PTP4A1: variants seen among roughly 807,000 people sequenced by gnomAD.
The protein encoded by PTP4A1 is protein tyrosine phosphatase 4A1.
A neutral mutation model predicts 20.5 loss-of-function variants in PTP4A1; 9 were observed. The observed-to-expected ratio is 0.44, with a 90% CI of 0.26 to 0.77. The LOEUF (loss-of-function observed/expected upper bound fraction) is 0.77, where lower values mean the gene tolerates loss of function less well. Among genes scored for constraint, PTP4A1 ranks in the 30% least tolerant of loss-of-function variants. PTP4A1 has a pLI of 0.19. For missense variants in PTP4A1, 137 were observed against 218.8 expected (o/e 0.63, Z 2.36); for synonymous variants, 78 against 67.4 (o/e 1.16, Z -0.77).
chr6:63,580,266 A>C lies in PTP4A1; in HGVS notation c.*92A>C. 9.4e-7 allele frequency: 1 copy of C among 1,066,608 alleles called. No individual in the cohort carries two copies. The highest frequency in any genetic ancestry group is 1.6e-5 in the African/African-American group (1 of 63,408). 66.1% of individuals were successfully genotyped at this position (1,066,608 alleles called of 1,614,324 possible). A position where few individuals can be genotyped will look rare whatever the true frequency, so the allele number is the denominator to read the frequency against. Reference sequence around the variant, plus strand: ...CCAACATGTTGGCTTAGTAAGTCTAATGAAGCTTCCATAGGAGTATTGAAA... The same window carrying C: ...CCAACATGTTGGCTTAGTAAGTCTACTGAAGCTTCCATAGGAGTATTGAAA... On this transcript the variant is annotated 3_prime_UTR_variant, in exon 6 of 6. Transcript: ENST00000626021.
rs574712292 is a variant in PTP4A1 at position 63,563,863 on chromosome 6, C to G, written c.-445-12573C>G. Among the ~76,000 whole-genome samples the G allele has an allele frequency of 2.0e-5, 3 of 152,250 alleles. No homozygotes were observed. The South Asian group carries it at 6.2e-4, about 32-fold the overall frequency. On this transcript the variant is annotated intron_variant, in intron 3 of 3. Transcript: ENST00000639568. ...ACCCTGCAAAGAAAACTTAGAAAAA[C>G]TGGGAATAGGATGCCCTAATAGAAT...
At chr6:63,533,982 A>G (rs931651897) in intron 2 of PTP4A1, among the ~76,000 whole-genome samples, 2 of 151,984 alleles carry the variant, frequency 1.3e-5, no homozygotes, top group Non-Finnish European at 2.9e-5. Context: ...TAGCTGGAAT[A>G]ACAGGTGCAC....
intron 2 of PTP4A1, among the ~76,000 whole-genome samples, chr6:63,529,139 A>ATATATATGTGTG (rs1775332341): frequency 7.9e-6 from 1 of 127,022 alleles, no homozygotes; most frequent in African/African-American, 3.6e-5. Flanking sequence ...ATGTGTGTGT[A>ATATATATGTGTG]TATATATATG....
chr6:63,577,066 T>G, intron 2 of PTP4A1, 81 bp downstream of exon 2: 1 of 1,112,714 alleles, frequency 9.0e-7, no homozygotes, highest in Non-Finnish European at 1.3e-6. Context: ...AAAAACTACT[T>G]TGGAAAAAAT....
upstream of PTP4A1, chr6:63,570,947 CT>C (rs554521141): frequency 6.6e-6 from 1 of 152,174 alleles, no homozygotes; most frequent in African/African-American, 2.4e-5. Context: ...AGCTTTGCCC[CT>C]ACCACCCAAG....
chr6:63,569,273 T>G (rs1416424681), upstream of PTP4A1, among the ~76,000 whole-genome samples: 1 of 152,244 alleles, frequency 6.6e-6, no homozygotes, highest in East Asian at 1.9e-4. Context: ...ATTCTTTTTT[T>G]GAAATGAAGT....
rs565710505 is a variant in PTP4A1, at chr6:63,547,315, G to A, written c.-639-2985G>A. 1.2e-4 allele frequency among the ~76,000 whole-genome samples: 18 copies of A among 149,838 alleles called. No homozygotes were observed. In the East Asian group the frequency reaches 1.8e-3, roughly 15 times the overall value. ...AGTGATTCTCCTGTCTCAGCCTCCC[G>A]AGTAGCTGGGACTACAGGCATGTGC... On this transcript the variant is annotated intron_variant, in intron 2 of 3. Coordinates refer to the PTP4A1 transcript ENST00000639568.
Position 63,576,507 on chromosome 6 carries a change from G to A in PTP4A1, c.-374G>A. 1 of 405,232 alleles carries A rather than the reference G, an allele frequency of 2.5e-6. No homozygotes were observed. Among genetic ancestry groups the A allele is most frequent in the Non-Finnish European group, 4.3e-6 (1 of 230,068 alleles). The allele number at this position is 405,232 out of a possible 1,614,324, so 25.1% of individuals were successfully genotyped here. Reference sequence around the variant, plus strand: ...GCAGTGGAGATTACTGCCAGGCACAGCACGACCTCTATGCAGACAAGTGAA... The same window carrying A: ...GCAGTGGAGATTACTGCCAGGCACAACACGACCTCTATGCAGACAAGTGAA... On this transcript the variant is annotated 5_prime_UTR_variant, in exon 2 of 6. Transcript: ENST00000626021.
chr6:63,554,333 A>G (rs1776578443), intron 3 of PTP4A1, among the ~76,000 whole-genome samples: 1 of 152,190 alleles, frequency 6.6e-6, no homozygotes, highest in African/African-American at 2.4e-5. Context: ...TACTGGGAGT[A>G]TCTTGTCCAG....
At chr6:63,517,632 A>G (rs566694657), upstream of PTP4A1, among the ~76,000 whole-genome samples, 4 of 152,254 alleles carry the variant, frequency 2.6e-5, no homozygotes, top group African/African-American at 9.6e-5. Context: ...CAACACACAC[A>G]CACATGCACA....
chr6:63,563,270 G>T (rs1006824500), intron 3 of PTP4A1, among the ~76,000 whole-genome samples: 2 of 152,112 alleles, frequency 1.3e-5, no homozygotes, highest in Non-Finnish European at 2.9e-5. Context: ...CCTTTCCATG[G>T]CCTACAAGGT....
chr6:63,541,862 T>C (rs2149484350), intron 2 of PTP4A1, among the ~76,000 whole-genome samples: 1 of 152,250 alleles, frequency 6.6e-6, no homozygotes, highest in Non-Finnish European at 1.5e-5. Context: ...CATCAATATT[T>C]CCCTCTGTAC....
chr6:63,574,453 G>C (rs1286465356), intron 1 of PTP4A1, among the ~76,000 whole-genome samples: 1 of 152,086 alleles, frequency 6.6e-6, no homozygotes, highest in Non-Finnish European at 1.5e-5. Flanking sequence ...GAAATCTATC[G>C]GTGGCCACCA....
At chr6:63,536,678 A>G (rs1775741832) in intron 2 of PTP4A1, among the ~76,000 whole-genome samples, 1 of 152,248 alleles carries the variant, frequency 6.6e-6, no homozygotes, top group East Asian at 1.9e-4. Context: ...AGGATAATAA[A>G]TACTCTAAAG....
At chr6:63,550,375 G>C (rs1013754492) in exon 3 of PTP4A1, 1 of 152,162 alleles carries the variant, frequency 6.6e-6, no homozygotes, top group Non-Finnish European at 1.5e-5. Context: ...GGTGAGCTGA[G>C]GGTGAAGCTA....
intron 2 of PTP4A1, among the ~76,000 whole-genome samples, chr6:63,542,745 G>A (rs955276410): frequency 6.6e-6 from 1 of 151,886 alleles, no homozygotes; most frequent in African/African-American, 2.4e-5. Flanking sequence ...CAACCTCTCC[G>A]CTGACCTCTA....
At chr6:63,544,630 T>C (rs972407842) in intron 2 of PTP4A1, among the ~76,000 whole-genome samples, 4 of 152,164 alleles carry the variant, frequency 2.6e-5, no homozygotes, top group Non-Finnish European at 5.9e-5. Flanking sequence ...GGATCAGTTA[T>C]TATTTATCTT....
chr6:63,576,606 T>G lies in PTP4A1; in HGVS notation c.-275T>G. The G allele has an allele frequency of 2.1e-6, 1 of 477,778 alleles. No homozygotes were observed. Among genetic ancestry groups the G allele is most frequent in the East Asian group, 3.3e-5 (1 of 30,202 alleles). 29.6% of individuals were successfully genotyped at this position (477,778 alleles called of 1,614,324 possible). On this transcript the variant is annotated 5_prime_UTR_variant, in exon 2 of 6. It adds an upstream start codon to the 5' untranslated region. Coordinates refer to ENST00000626021, the MANE Select transcript of PTP4A1 (RefSeq NM_003463.5). ...TATCCTGGACACAGAAGTGTTGAATTGAAATCCACAGAGCATTTTACAAGA... is the reference window on the plus strand; with the variant it reads ...TATCCTGGACACAGAAGTGTTGAATGGAAATCCACAGAGCATTTTACAAGA...
Position 63,557,845 on chromosome 6 carries a change from G to A in PTP4A1, c.-446+7352G>A, listed in dbSNP as rs529348218. 3.9e-5 allele frequency among the ~76,000 whole-genome samples: 6 copies of A among 152,186 alleles called. No homozygotes were observed. The South Asian group carries it at 1.2e-3, about 32-fold the overall frequency. On this transcript the variant is annotated intron_variant, in intron 3 of 3. Transcript: ENST00000639568. ...AGGATCATTGGAGGATTTTGAGAAA[G>A]AGGATAGCAAGATCAGATATGCATT...
Sources: gnomAD v4.1 joint callset for allele counts (sites outside exome capture counted in the v4.1 genomes callset) on GRCh38, gnomAD v4.1.1 for gene constraint, MANE v1.5 for transcripts, NCBI Gene and HGNC (gene_info 2026-07-23, HGNC 2026-07-21) for gene names.